ANK1: variants seen among roughly 807,000 people sequenced by gnomAD.
The protein encoded by ANK1 is ankyrin 1.
Under a neutral mutation model 210.4 loss-of-function variants are expected in ANK1, and 51 were observed. The ratio of observed to expected loss-of-function variants is 0.24; its 90% CI spans 0.19 to 0.31. ANK1 has a LOEUF of 0.31. Among genes scored for constraint, ANK1 ranks in the 10% least tolerant of loss-of-function variants. The pLI is 1.00. For synonymous variants in ANK1, 967 were observed against 1,025.9 expected (o/e 0.94, Z 1.10); for missense variants, 2,051 against 2,504.4 (o/e 0.82, Z 3.86).
intron 1 of ANK1, among the ~76,000 whole-genome samples, chr8:41,826,035 G>A (rs1805311449): frequency 1.3e-5 from 2 of 152,130 alleles, no homozygotes; most frequent in African/African-American, 2.4e-5. Context: ...GCCCACTAGT[G>A]ACTTTTTGTA....
At chr8:41,681,404 A>G (rs79580625) in intron 37 of ANK1, among the ~76,000 whole-genome samples, 8,648 of 152,308 alleles carry the variant, frequency 0.057, 398 homozygotes, top group African/African-American at 0.13. Flanking sequence ...GTCCTCTCCT[A>G]TGTGGGAGAA....
chr8:41,654,532 G>T lies in ANK1; in HGVS notation c.*1258C>A, dbSNP rs1011505496. 8 of 152,556 alleles carry T rather than the reference G, an allele frequency of 5.2e-5. No homozygotes were observed. The highest frequency in any genetic ancestry group is 1.9e-4 in the African/African-American group (8 of 41,448). 9.5% of individuals were successfully genotyped at this position (152,556 alleles called of 1,614,324 possible). The stretch of plus-strand genomic sequence containing the variant: ...GACTTAGAGCACCAAGTTCACTCTG[G>T]GAGACCCTGGGTGGTCCTGACTTCT... On this transcript the variant is annotated 3_prime_UTR_variant, in exon 43 of 43. Transcript: ENST00000289734.
At position 41,693,961 on chromosome 8, in the gene ANK1, C is replaced by T. The variant is rs747027965; in HGVS notation, c.3469G>A (p.Asp1157Asn). ...CCCTCCCCGCTGTCCCTCGGGTTGT[C>T]GGTCCAGGAAGGAGGTAGTGGGATC... is the stretch of plus-strand genomic sequence containing the variant. The part of the protein sequence containing the change: ...LRIPLPPSWT[D>N]NPRDSGEGDT... The change falls in exon 29 of 43, where the codon GAC (aspartate) becomes AAC (asparagine). Residue 1157 changes from aspartate (D) to asparagine (N), a missense_variant. Asp to Asn is a conservative substitution (Grantham distance 23). Around this residue, in one of 6 missense-constraint regions of ANK1, gnomAD observed 1,413 missense variants for 1,707.4 expected, o/e 0.83. Transcript: ENST00000289734. 2.5e-5 allele frequency: 40 copies of T among 1,614,000 alleles called. No homozygotes were observed. The highest frequency in any genetic ancestry group is 1.3e-4 in the Admixed American group (8 of 60,008).
chr8:41,739,521 C>CTTTTTTTTTTTCTTTTTTTTTTTTTTT (rs774043664), intron 2 of ANK1, among the ~76,000 whole-genome samples: 2 of 116,118 alleles, frequency 1.7e-5, no homozygotes, highest in Admixed American at 9.0e-5. Context: ...TTTTTTCTTT[C>CTTTTTTTTTTTCTTTTTTTTTTTTTTT]TTTTTTTTTT....
At chr8:41,823,939 T>A (rs1429760764) in intron 1 of ANK1, among the ~76,000 whole-genome samples, 1 of 152,210 alleles carries the variant, frequency 6.6e-6, no homozygotes, top group East Asian at 1.9e-4. Flanking sequence ...GCAAATAGTA[T>A]CTTTTTGAGT....
chr8:41,671,425 G>A (rs968737551), intron 38 of ANK1, among the ~76,000 whole-genome samples: 6 of 152,132 alleles, frequency 3.9e-5, no homozygotes, highest in South Asian at 2.1e-4. Flanking sequence ...GAGGAGCTCC[G>A]AACGCCAGCT....
intron 1 of ANK1, among the ~76,000 whole-genome samples, chr8:41,890,823 A>AC (rs1164564793): frequency 1.3e-5 from 2 of 152,148 alleles, no homozygotes; most frequent in African/African-American, 4.8e-5. Flanking sequence ...TTTACTTGGT[A>AC]CCAATTCTTT....
At chr8:41,880,563 G>A (rs896472836) in intron 1 of ANK1, among the ~76,000 whole-genome samples, 2 of 152,222 alleles carry the variant, frequency 1.3e-5, no homozygotes, top group African/African-American at 4.8e-5. Context: ...CCACCGATAT[G>A]TCCTGCAATA....
intron 1 of ANK1, among the ~76,000 whole-genome samples, chr8:41,793,658 A>T (rs752322699): frequency 2.6e-5 from 4 of 152,210 alleles, no homozygotes; most frequent in Non-Finnish European, 4.4e-5. Context: ...GCTCTTGCAC[A>T]CTTACACCCG....
intron 1 of ANK1, among the ~76,000 whole-genome samples, chr8:41,853,054 T>G (rs1811552650): frequency 6.6e-6 from 1 of 152,192 alleles, no homozygotes; most frequent in Admixed American, 6.5e-5. Flanking sequence ...TGTAAAACAG[T>G]GAGAAACGGA....
intron 1 of ANK1, among the ~76,000 whole-genome samples, chr8:41,803,181 G>C (rs1304546627): frequency 6.7e-6 from 1 of 150,322 alleles, no homozygotes; most frequent in Admixed American, 6.6e-5. Flanking sequence ...GAGGGAGGGA[G>C]AGAGAGAGAG....
chr8:41,718,007 C>G, intron 11 of ANK1, 99 bp downstream of exon 11: 2 of 1,147,620 alleles, frequency 1.7e-6, no homozygotes, highest in Non-Finnish European at 2.6e-6. Context: ...GACACACACA[C>G]CCCTGCAGCC....
At chr8:41,791,074 C>T (rs754947538) in intron 1 of ANK1, among the ~76,000 whole-genome samples, 35 of 152,106 alleles carry the variant, frequency 2.3e-4, no homozygotes, top group Non-Finnish European at 4.9e-4. Context: ...TTCTGAGTAG[C>T]TGGAATCTGC....
intron 2 of ANK1, among the ~76,000 whole-genome samples, chr8:41,745,146 G>A (rs1410903937): frequency 2.0e-5 from 3 of 152,134 alleles, no homozygotes; most frequent in Non-Finnish European, 4.4e-5. Flanking sequence ...GCAGGAAAGG[G>A]AGCGGAGGGA....
At chr8:41,896,411 CCTT>C (rs1820552020) in exon 1 of ANK1, 1 of 1,604,488 alleles carries the variant, frequency 6.2e-7, no homozygotes, top group Non-Finnish European at 8.5e-7. Flanking sequence ...TCCTCCTTCT[CCTT>C]CTGCTCCTGG....
intron 1 of ANK1, among the ~76,000 whole-genome samples, chr8:41,896,053 G>A (rs959738230): frequency 2.0e-5 from 3 of 152,348 alleles, no homozygotes; most frequent in South Asian, 2.1e-4. Flanking sequence ...AGCAGCGCGG[G>A]CCTGCCGGGT....
chr8:41,866,147 A>G (rs1814402246), intron 1 of ANK1, among the ~76,000 whole-genome samples: 1 of 152,082 alleles, frequency 6.6e-6, no homozygotes, highest in Admixed American at 6.5e-5. Context: ...TTAGGATATC[A>G]TGCCTTCACC....
chr8:41,696,043 G>GC (rs1820824613), intron 26 of ANK1, among the ~76,000 whole-genome samples: 1 of 152,166 alleles, frequency 6.6e-6, no homozygotes, highest in Non-Finnish European at 1.5e-5. Context: ...TTTAAGAGTT[G>GC]TTTTTTTGGT....
chr8:41,759,814 G>C (rs1586754902), intron 1 of ANK1, among the ~76,000 whole-genome samples: 1 of 152,252 alleles, frequency 6.6e-6, no homozygotes, highest in East Asian at 1.9e-4. Flanking sequence ...GAATACCCAA[G>C]AGGTAAGTGG....
Sources: allele counts gnomAD v4.1 joint callset (sites outside exome capture counted in the v4.1 genomes callset), GRCh38; gene constraint gnomAD v4.1.1; regional missense constraint gnomAD v4.1.1; transcripts MANE v1.5; gene names NCBI Gene and HGNC (gene_info 2026-07-23, HGNC 2026-07-21).